The following STARD3NL variants were observed in gnomAD, a reference collection of about 807,000 sequenced individuals.
The protein encoded by STARD3NL is STARD3 N-terminal like.
Under a neutral mutation model 30.9 loss-of-function variants are expected in STARD3NL, and 17 were observed. The ratio of observed to expected loss-of-function variants is 0.55; its 90% CI spans 0.38 to 0.82. STARD3NL has a LOEUF of 0.82. STARD3NL is among the 40% of genes least tolerant of loss of function. STARD3NL has a pLI of 0.00. For synonymous variants in STARD3NL, 112 were observed against 100.5 expected (o/e 1.11, Z -0.69); for missense variants, 234 against 277.6 (o/e 0.84, Z 1.12).
intron 1 of STARD3NL, among the ~76,000 whole-genome samples, chr7:38,196,723 G>C (rs565288509): frequency 3.9e-5 from 6 of 152,152 alleles, no homozygotes; most frequent in African/African-American, 1.4e-4. Flanking sequence ...ATAATATTTT[G>C]AGATGACTGG....
At chr7:38,205,280 T>G (rs183084305) in intron 1 of STARD3NL, among the ~76,000 whole-genome samples, 1 of 152,310 alleles carries the variant, frequency 6.6e-6, no homozygotes, top group Admixed American at 6.5e-5. Context: ...TCAAAAAGCT[T>G]ATCCACCATG....
chr7:38,215,073 G>A lies in STARD3NL; in HGVS notation c.349G>A (p.Val117Met). Residue 117 changes from valine to methionine, a missense_variant, in exon 4 of 9, where the codon GTG becomes ATG. Physicochemically the swap from Val to Met is conservative, Grantham distance 21. Coordinates refer to ENST00000009041, the MANE Select transcript of STARD3NL (RefSeq NM_032016.4). ...TAAAGTGTTAATACTTGCATATGCT[G>A]TGTGCAGACTGCGCCATTGGTGGGC... ...RFKVLILAYA[V>M]CRLRHWWAIA... 1 of 1,613,994 alleles carries A rather than the reference G, an allele frequency of 6.2e-7. No individual in the cohort carries two copies.
intron 2 of STARD3NL, among the ~76,000 whole-genome samples, chr7:38,208,929 CT>C (rs1468948072): frequency 6.6e-6 from 1 of 152,216 alleles, no homozygotes; most frequent in African/African-American, 2.4e-5. Flanking sequence ...ATTAGGGTCA[CT>C]GAATCTCATT....
intron 1 of STARD3NL, among the ~76,000 whole-genome samples, chr7:38,194,089 A>G (rs902303626): frequency 1.3e-5 from 2 of 152,074 alleles, no homozygotes; most frequent in Non-Finnish European, 2.9e-5. Flanking sequence ...GGAATGGTTT[A>G]TTCTATTCAG....
intron 1 of STARD3NL, among the ~76,000 whole-genome samples, chr7:38,178,669 A>G (rs927651911): frequency 6.6e-6 from 1 of 152,174 alleles, no homozygotes; most frequent in Admixed American, 6.5e-5. Context: ...GCCGGGATTC[A>G]GGGATGGATA....
intron 1 of STARD3NL, among the ~76,000 whole-genome samples, 198 bp downstream of exon 1, chr7:38,178,618 G>A (rs1026119544): frequency 6.6e-6 from 1 of 152,234 alleles, no homozygotes; most frequent in Non-Finnish European, 1.5e-5. Flanking sequence ...ACACAAGAGT[G>A]AAGTTGCAGA....
At chr7:38,224,369 A>T (rs1407319651) in intron 7 of STARD3NL, among the ~76,000 whole-genome samples, 1 of 152,164 alleles carries the variant, frequency 6.6e-6, no homozygotes, top group African/African-American at 2.4e-5. Flanking sequence ...AACTTTTTTT[A>T]AAATTGTCAA....
At chr7:38,221,471 C>T (rs76378027) in intron 7 of STARD3NL, among the ~76,000 whole-genome samples, 4 of 151,880 alleles carry the variant, frequency 2.6e-5, no homozygotes, top group Admixed American at 6.6e-5. Context: ...TGCTAAGTGC[C>T]TCCACTCTGT....
At chr7:38,198,877 G>A (rs1476376764) in intron 1 of STARD3NL, among the ~76,000 whole-genome samples, 3 of 152,216 alleles carry the variant, frequency 2.0e-5, no homozygotes, top group Non-Finnish European at 2.9e-5. Context: ...CCATCATGAG[G>A]TGCAGCCTAG....
At chr7:38,199,277 G>C (rs896156041) in intron 1 of STARD3NL, among the ~76,000 whole-genome samples, 26 of 152,160 alleles carry the variant, frequency 1.7e-4, no homozygotes, top group African/African-American at 6.3e-4. Context: ...TCAGTACCCC[G>C]GATTGAATAT....
intron 1 of STARD3NL, among the ~76,000 whole-genome samples, chr7:38,188,204 AGCCCTTTGTTAACTGATCTGTCATCATCT>A (rs941626006): frequency 6.6e-5 from 10 of 152,216 alleles, no homozygotes; most frequent in African/African-American, 2.4e-4. Flanking sequence ...CACAAGGCCC[AGCCCTTTGTTAACTGATCTGTCATCATCT>A]GAGGTGCTTC....
chr7:38,197,136 T>TTTTCTTTTTCTTTCTTTCTTTC, intron 1 of STARD3NL, among the ~76,000 whole-genome samples: 2 of 112,380 alleles, frequency 1.8e-5, no homozygotes, highest in East Asian at 5.1e-4. Context: ...GCATTACCTT[T>TTTTCTTTTTCTTTCTTTCTTTC]TTTCTTTCTT....
intron 7 of STARD3NL, among the ~76,000 whole-genome samples, chr7:38,222,141 TCACACACACACACACA>T (rs3223376): frequency 3.5e-4 from 51 of 144,296 alleles, no homozygotes; most frequent in Middle Eastern, 3.5e-3. Flanking sequence ...GTTAATATTT[TCACACACACACACACA>T]CACACACACA....
chr7:38,229,851 T>C (rs554117388), intron 8 of STARD3NL, 72 bp from the exon 9 acceptor site: 1 of 144,712 alleles, frequency 6.9e-6, no homozygotes, highest in African/African-American at 2.5e-5. Context: ...TTTATGTACA[T>C]GTAAGGTGAC....
chr7:38,182,045 A>G (rs1442721569), intron 1 of STARD3NL, among the ~76,000 whole-genome samples: 5 of 152,180 alleles, frequency 3.3e-5, no homozygotes, highest in African/African-American at 1.2e-4. Flanking sequence ...TCTCTTTGAC[A>G]CCAGTTACCA....
intron 7 of STARD3NL, among the ~76,000 whole-genome samples, chr7:38,222,064 C>T (rs961737485): frequency 1.1e-4 from 16 of 152,020 alleles, no homozygotes; most frequent in African/African-American, 3.9e-4. Context: ...CTGACCTGGT[C>T]TGTTTCTACT....
At chr7:38,211,180 A>T (rs1011711687) in intron 2 of STARD3NL, among the ~76,000 whole-genome samples, 2 of 152,202 alleles carry the variant, frequency 1.3e-5, no homozygotes, top group African/African-American at 4.8e-5. Flanking sequence ...TACCCTGCTA[A>T]TTCTGATTCT....
chr7:38,229,279 C>G (rs2116471113), intron 8 of STARD3NL, among the ~76,000 whole-genome samples: 1 of 152,298 alleles, frequency 6.6e-6, no homozygotes, highest in Non-Finnish European at 1.5e-5. Context: ...GGTCACTTAT[C>G]CAAGGTTGCA....
At chr7:38,182,097 T>C (rs1784272708) in intron 1 of STARD3NL, among the ~76,000 whole-genome samples, 1 of 152,238 alleles carries the variant, frequency 6.6e-6, no homozygotes, top group Non-Finnish European at 1.5e-5. Flanking sequence ...TACACAGGTG[T>C]TAAAATATAT....
Sources: allele counts gnomAD v4.1 joint callset (sites outside exome capture counted in the v4.1 genomes callset), GRCh38; gene constraint gnomAD v4.1.1; transcripts MANE v1.5; gene names NCBI Gene and HGNC (gene_info 2026-07-23, HGNC 2026-07-21).